Variants in LAMA2 observed in about 807,000 individuals in gnomAD.
LAMA2 encodes laminin subunit alpha 2.
In LAMA2, 269 loss-of-function variants were observed where a neutral mutation model predicts 364.8. The ratio of observed to expected loss-of-function variants is 0.74; its 90% CI spans 0.67 to 0.82. The LOEUF (loss-of-function observed/expected upper bound fraction) is 0.82. Among genes scored for constraint, LAMA2 ranks in the 40% least tolerant of loss-of-function variants. The pLI is 0.00. For synonymous variants in LAMA2, 1,379 were observed against 1,370.6 expected, an observed-to-expected ratio of 1.01 and a Z score of -0.14; for missense variants, 3,807 against 3,873.2, an observed-to-expected ratio of 0.98 and a Z score of 0.45.
At chr6:129,172,434 G>T (rs542142689) in intron 9 of LAMA2, among the ~76,000 whole-genome samples, 2 of 152,288 alleles carry the variant, frequency 1.3e-5, no homozygotes, top group East Asian at 3.9e-4. Flanking sequence ...ATACCCTGCC[G>T]TGTGAGGTGT....
intron 12 of LAMA2, among the ~76,000 whole-genome samples, chr6:129,200,168 GTGTACACATATACATGTGTATATATACA>G (rs1411067319): frequency 2.2e-5 from 3 of 134,032 alleles, no homozygotes; most frequent in East Asian, 2.8e-4. Flanking sequence ...ATATATATAC[GTGTACACATATACATGTGTATATATACA>G]TGTACACATA....
intron 1 of LAMA2, among the ~76,000 whole-genome samples, chr6:129,015,118 A>T (rs1784993029): frequency 1.3e-5 from 2 of 152,168 alleles, no homozygotes; most frequent in South Asian, 4.1e-4. Context: ...TAGAGTTTAA[A>T]TTCAGGTAAT....
chr6:129,116,547 G>T (rs537373759), intron 4 of LAMA2, among the ~76,000 whole-genome samples: 2 of 152,110 alleles, frequency 1.3e-5, no homozygotes, highest in South Asian at 4.1e-4. Flanking sequence ...AAGATGATTT[G>T]TGTGAAGGGT....
chr6:129,344,635 G>A (rs1466295557), intron 30 of LAMA2, among the ~76,000 whole-genome samples: 1 of 152,152 alleles, frequency 6.6e-6, no homozygotes, highest in Non-Finnish European at 1.5e-5. Context: ...CCAGGCTAAT[G>A]TTATCCAAGG....
intron 28 of LAMA2, among the ~76,000 whole-genome samples, chr6:129,326,124 G>A (rs1465853480): frequency 6.6e-6 from 1 of 152,190 alleles, no homozygotes; most frequent in Non-Finnish European, 1.5e-5. Flanking sequence ...ACAGGCGTGA[G>A]CCACCATGTC....
chr6:129,455,173 G>A (rs1562579888), intron 47 of LAMA2, among the ~76,000 whole-genome samples: 1 of 151,982 alleles, frequency 6.6e-6, no homozygotes, highest in Non-Finnish European at 1.5e-5. Context: ...TCAAGGCTGT[G>A]GTCCATGATG....
intron 41 of LAMA2, among the ~76,000 whole-genome samples, chr6:129,429,928 T>G (rs1021262137): frequency 2.0e-5 from 3 of 152,206 alleles, no homozygotes; most frequent in African/African-American, 7.2e-5. Context: ...AAGACAAGCA[T>G]TGTAGGAAGG....
intron 4 of LAMA2, among the ~76,000 whole-genome samples, chr6:129,122,894 A>C (rs2114921531): frequency 6.6e-6 from 1 of 152,312 alleles, no homozygotes; most frequent in East Asian, 1.9e-4. Flanking sequence ...TACCTTCTTA[A>C]CACTGATAAT....
chr6:129,202,491 C>T (rs1256722296), intron 12 of LAMA2, among the ~76,000 whole-genome samples: 1 of 152,050 alleles, frequency 6.6e-6, no homozygotes, highest in Non-Finnish European at 1.5e-5. Flanking sequence ...GAGGTACCAC[C>T]TTGGAAGCAG....
chr6:129,455,571 A>T (rs989173247), intron 47 of LAMA2, among the ~76,000 whole-genome samples: 1 of 152,208 alleles, frequency 6.6e-6, no homozygotes, highest in Admixed American at 6.5e-5. Context: ...GAAATATGAC[A>T]TCGAAGTTTT....
At chr6:128,891,635 C>G (rs1776455738) in intron 1 of LAMA2, among the ~76,000 whole-genome samples, 1 of 151,982 alleles carries the variant, frequency 6.6e-6, no homozygotes, top group South Asian at 2.1e-4. Context: ...ACCTAACAAC[C>G]TAACATGACA....
rs1360910203 is a variant in LAMA2 at position 129,253,657 on chromosome 6, A to C, written c.2096+1362A>C. Among the ~76,000 whole-genome samples the C allele has an allele frequency of 4.6e-5, 7 of 152,234 alleles. No individual in the cohort carries two copies. The East Asian group carries it at 1.3e-3, about 29-fold the overall frequency. On this transcript the variant is annotated intron_variant, in intron 14 of 64. Transcript: ENST00000421865. Reference sequence around the variant, plus strand: ...CAAAGAAATGAGTCCTCCAGCTTTCAAAATGAATGACAACCAAATTGACAA... The same window carrying C: ...CAAAGAAATGAGTCCTCCAGCTTTCCAAATGAATGACAACCAAATTGACAA...
intron 41 of LAMA2, among the ~76,000 whole-genome samples, chr6:129,428,589 T>C (rs1473758851): frequency 6.6e-6 from 1 of 152,090 alleles, no homozygotes; most frequent in Non-Finnish European, 1.5e-5. Flanking sequence ...GGATTACAGG[T>C]GCATGCCACC....
chr6:129,115,617 C>G (rs758784575), intron 4 of LAMA2, among the ~76,000 whole-genome samples: 2 of 152,054 alleles, frequency 1.3e-5, no homozygotes, highest in Non-Finnish European at 2.9e-5. Context: ...TTCTCTCCTA[C>G]CAGCTTTTCC....
intron 1 of LAMA2, among the ~76,000 whole-genome samples, chr6:129,043,170 TC>T (rs1199162919): frequency 1.2e-4 from 19 of 152,202 alleles, no homozygotes; most frequent in African/African-American, 4.6e-4. Flanking sequence ...ATGTTGTCAA[TC>T]TTTTTAATAT....
chr6:129,328,327 C>A lies in LAMA2; in HGVS notation c.4226C>A (p.Thr1409Asn), dbSNP rs780928505. The change falls in exon 29 of 65, where the codon ACC (threonine) becomes AAC (asparagine). Residue 1409 changes from threonine to asparagine, a missense_variant. Physicochemically the swap from Thr to Asn is moderately conservative, Grantham distance 65. Transcript: ENST00000421865. ...CTGCGTTCTCAACCAGGTGGCCGCA[C>A]CCCTGGACCAACCCTGGGCACCTGT... is the stretch of plus-strand genomic sequence containing the variant. ...YRLRSQPGGR[T>N]PGPTLGTCVP... The A allele has an allele frequency of 6.8e-6, 11 of 1,614,056 alleles. No homozygotes were observed. Among genetic ancestry groups the A allele is most frequent in the Non-Finnish European group, 8.5e-6 (10 of 1,180,026 alleles).
intron 1 of LAMA2, among the ~76,000 whole-genome samples, chr6:128,941,785 C>T (rs921461930): frequency 6.6e-6 from 1 of 152,138 alleles, no homozygotes; most frequent in Non-Finnish European, 1.5e-5. Context: ...TAATTTCGTT[C>T]TCTGTGCCCA....
chr6:129,033,643 T>A (rs1786396090), intron 1 of LAMA2, among the ~76,000 whole-genome samples: 1 of 152,188 alleles, frequency 6.6e-6, no homozygotes, highest in Non-Finnish European at 1.5e-5. Context: ...CTTGAAACTG[T>A]TTTGCACTTC....
At chr6:129,261,593 G>T (rs1317394768) in intron 15 of LAMA2, among the ~76,000 whole-genome samples, 1 of 152,086 alleles carries the variant, frequency 6.6e-6, no homozygotes, top group Non-Finnish European at 1.5e-5. Context: ...TAGGAGCTTA[G>T]TTTCTTTAAA....
Sources: gnomAD v4.1 joint callset for allele counts (sites outside exome capture counted in the v4.1 genomes callset) on GRCh38, gnomAD v4.1.1 for gene constraint, MANE v1.5 for transcripts, NCBI Gene and HGNC (gene_info 2026-07-23, HGNC 2026-07-21) for gene names.